SPAG16: variants seen among roughly 807,000 people sequenced by gnomAD.
The protein encoded by SPAG16 is sperm associated antigen 16, also known as sperm-associated antigen 16 protein.
Under a neutral mutation model 80.4 loss-of-function variants are expected in SPAG16, and 86 were observed. The observed-to-expected ratio is 1.07, with a 90% confidence interval of 0.90 to 1.28. SPAG16 has a LOEUF of 1.28. SPAG16 is among the 50% of genes most tolerant of loss of function. The probability of loss-of-function intolerance (pLI) is 0.00; values close to 1 mark genes in which losing one functional copy is unlikely to be tolerated. For missense variants in SPAG16, 870 were observed against 765.3 expected (o/e 1.14, Z -1.61); for synonymous variants, 294 against 265.9 (o/e 1.11, Z -1.03).
intron 10 of SPAG16, among the ~76,000 whole-genome samples, chr2:213,502,235 C>T (rs996106642): frequency 5.9e-5 from 9 of 152,156 alleles, no homozygotes; most frequent in African/African-American, 1.9e-4. Flanking sequence ...AAGCAGTCCT[C>T]CTGTCTCAGC....
At position 213,970,007 on chromosome 2, in the gene SPAG16, T is replaced by G. The variant is rs1385310141; in HGVS notation, c.1400+39862T>G. 2.6e-5 allele frequency among the ~76,000 whole-genome samples: 4 copies of G among 152,228 alleles called. No homozygotes were observed. In the South Asian group the frequency reaches 8.3e-4, roughly 32 times the overall value. On this transcript the variant is annotated intron_variant, in intron 12 of 15. Coordinates refer to ENST00000331683, the MANE Select transcript of SPAG16 (RefSeq NM_024532.5). ...GTCTAAGATCAAGACACCAGCAGATTTGGTGTTTGGTGAGGGCTTGCTGCC... is the reference window on the plus strand; with the variant it reads ...GTCTAAGATCAAGACACCAGCAGATGTGGTGTTTGGTGAGGGCTTGCTGCC...
intron 15 of SPAG16, among the ~76,000 whole-genome samples, chr2:214,244,100 C>T (rs1052330438): frequency 6.6e-6 from 1 of 151,982 alleles, no homozygotes; most frequent in Non-Finnish European, 1.5e-5. Flanking sequence ...CTTGGGAATC[C>T]ACTCAATCAG....
chr2:213,572,918 A>G (rs1001065365), intron 10 of SPAG16, among the ~76,000 whole-genome samples: 1 of 152,210 alleles, frequency 6.6e-6, no homozygotes, highest in Admixed American at 6.5e-5. Flanking sequence ...CCTCCGAGCC[A>G]GGTGTGGGAT....
Position 214,085,278 on chromosome 2 carries a change from G to A in SPAG16, c.1528-22918G>A, listed in dbSNP as rs1042251513. Among the ~76,000 whole-genome samples, 8 of 151,634 alleles carry A rather than the reference G, an allele frequency of 5.3e-5. No homozygotes were observed. In the South Asian group the frequency reaches 6.3e-4, roughly 12 times the overall value. ...TCCCAGCTGCTCGAGAGGCTGAGGC[G>A]GGAGAATCACTTGAACCCAGGAGAC... On this transcript the variant is annotated intron_variant, in intron 13 of 15. Transcript: ENST00000331683.
At chr2:214,215,397 G>T (rs2058404954) in intron 15 of SPAG16, among the ~76,000 whole-genome samples, 1 of 152,032 alleles carries the variant, frequency 6.6e-6, no homozygotes, top group African/African-American at 2.4e-5. Context: ...CAGCCTATCA[G>T]GCCACCTTTG....
chr2:213,672,750 A>C (rs186996087), intron 10 of SPAG16, among the ~76,000 whole-genome samples: 1 of 152,054 alleles, frequency 6.6e-6, no homozygotes, highest in Non-Finnish European at 1.5e-5. Flanking sequence ...TTAAAGCATC[A>C]CATTGGCCCT....
intron 10 of SPAG16, among the ~76,000 whole-genome samples, chr2:213,545,327 G>A (rs1368743421): frequency 6.6e-6 from 1 of 151,966 alleles, no homozygotes; most frequent in Non-Finnish European, 1.5e-5. Context: ...TCTTATTGTT[G>A]AGTTGTTGTA....
chr2:213,310,133 C>A lies in SPAG16; in HGVS notation c.354C>A (p.Ile118=). 6.2e-7 allele frequency: 1 copy of A among 1,611,664 alleles called. No individual in the cohort carries two copies. Among genetic ancestry groups the A allele is most frequent in the South Asian group, 1.1e-5 (1 of 90,904 alleles). ...AAGACTTTCTCTGCAATTTCTTGATCAAAATGGGAATGACCAGAACTCTTG... is the reference window on the plus strand; with the variant it reads ...AAGACTTTCTCTGCAATTTCTTGATAAAAATGGGAATGACCAGAACTCTTG... The part of the protein sequence containing the change: ...VIEDFLCNFL[I]KMGMTRTLDC... The change falls in exon 4 of 16, where the codon ATC becomes ATA. Residue 118 remains isoleucine (I), a synonymous_variant. Coordinates refer to ENST00000331683, the MANE Select transcript of SPAG16 (RefSeq NM_024532.5).
chr2:213,910,277 TA>T (rs2077607891), intron 11 of SPAG16, among the ~76,000 whole-genome samples: 1 of 152,190 alleles, frequency 6.6e-6, no homozygotes, highest in African/African-American at 2.4e-5. Context: ...GAAATAGTGA[TA>T]AACTATTCTA....
chr2:214,304,622 TTTCCACTTCACACCTC>T (rs1277079014), intron 15 of SPAG16, among the ~76,000 whole-genome samples: 1 of 152,184 alleles, frequency 6.6e-6, no homozygotes, highest in Non-Finnish European at 1.5e-5. Context: ...GACCCCTGAT[TTTCCACTTCACACCTC>T]TATATTTCTG....
At chr2:213,715,259 T>C (rs1050193332) in intron 10 of SPAG16, among the ~76,000 whole-genome samples, 1 of 151,150 alleles carries the variant, frequency 6.6e-6, no homozygotes, top group African/African-American at 2.4e-5. Flanking sequence ...TATCTATCTA[T>C]CTATCTATCC....
At chr2:214,087,997 G>T (rs1007429613) in intron 13 of SPAG16, among the ~76,000 whole-genome samples, 12 of 151,926 alleles carry the variant, frequency 7.9e-5, no homozygotes, top group African/African-American at 2.9e-4. Context: ...TAAAAGACCT[G>T]ATATGTAAAC....
intron 10 of SPAG16, among the ~76,000 whole-genome samples, chr2:213,654,927 T>A (rs2063165770): frequency 6.6e-6 from 1 of 152,210 alleles, no homozygotes; most frequent in Non-Finnish European, 1.5e-5. Context: ...AAAGGACCAC[T>A]GTAGAGTAAA....
chr2:214,036,823 T>C lies in SPAG16; in HGVS notation c.1527+22746T>C, dbSNP rs144582656. Reference sequence around the variant, plus strand: ...TTAGCTGGAAAACATATAGTCCAACTATGGTTAGATCTTCTCCCATTACTT... The same window carrying C: ...TTAGCTGGAAAACATATAGTCCAACCATGGTTAGATCTTCTCCCATTACTT... On this transcript the variant is annotated intron_variant, in intron 13 of 15. Coordinates refer to ENST00000331683, the MANE Select transcript of SPAG16 (RefSeq NM_024532.5). 8.5e-5 allele frequency among the ~76,000 whole-genome samples: 13 copies of C among 152,326 alleles called. No individual in the cohort carries two copies. In the East Asian group the frequency reaches 2.5e-3, roughly 29 times the overall value.
intron 11 of SPAG16, among the ~76,000 whole-genome samples, chr2:213,926,020 A>T (rs146555785): frequency 1.3e-5 from 2 of 152,074 alleles, no homozygotes; most frequent in Non-Finnish European, 2.9e-5. Context: ...CTTTCCAAAC[A>T]TGTGGTTCTA....
At chr2:213,404,592 A>G (rs1248946847) in intron 9 of SPAG16, among the ~76,000 whole-genome samples, 1 of 152,162 alleles carries the variant, frequency 6.6e-6, no homozygotes, top group Non-Finnish European at 1.5e-5. Context: ...TTAGACCTAA[A>G]ACCATAAAAA....
At chr2:214,173,837 G>A (rs1451713431) in intron 15 of SPAG16, among the ~76,000 whole-genome samples, 2 of 152,012 alleles carry the variant, frequency 1.3e-5, no homozygotes, top group Non-Finnish European at 2.9e-5. Flanking sequence ...TAAAATACTG[G>A]CAAGCCGAAT....
intron 10 of SPAG16, among the ~76,000 whole-genome samples, chr2:213,661,513 G>A (rs1365299881): frequency 2.0e-5 from 3 of 152,018 alleles, no homozygotes. Context: ...ATTATACCTC[G>A]ATTATACTCA....
chr2:213,407,237 G>T (rs1463630023), intron 9 of SPAG16, among the ~76,000 whole-genome samples: 1 of 152,130 alleles, frequency 6.6e-6, no homozygotes, highest in African/African-American at 2.4e-5. Flanking sequence ...AGCACAAGTG[G>T]GAAGTGTGCA....
Sources: allele counts gnomAD v4.1 joint callset (sites outside exome capture counted in the v4.1 genomes callset), GRCh38; gene constraint gnomAD v4.1.1; transcripts MANE v1.5; gene names NCBI Gene and HGNC (gene_info 2026-07-23, HGNC 2026-07-21).